The following CBX5 variants were observed in gnomAD, a reference collection of about 807,000 sequenced individuals.
CBX5 encodes chromobox 5, also known as chromobox protein homolog 5.
In CBX5, 7 loss-of-function variants were observed where a neutral mutation model predicts 20.7. The ratio of observed to expected loss-of-function variants is 0.34; its 90% CI spans 0.19 to 0.63. CBX5 has a LOEUF of 0.63. Ranked by LOEUF, CBX5 falls within the 30% of genes least tolerant of loss-of-function variation. CBX5 has a pLI of 0.75. For synonymous variants in CBX5, 78 were observed against 77.0 expected, an observed-to-expected ratio of 1.01 and a Z score of -0.07; for missense variants, 110 against 224.1, an observed-to-expected ratio of 0.49 and a Z score of 3.25.
Position 54,257,686 on chromosome 12 carries a change from C to A in CBX5, c.-36G>T. 6.2e-7 allele frequency: 1 copy of A among 1,613,224 alleles called. No individual in the cohort carries two copies. Among genetic ancestry groups the A allele is most frequent in the Non-Finnish European group, 8.5e-7 (1 of 1,179,548 alleles). On this transcript the variant is annotated 5_prime_UTR_variant, in exon 2 of 5. Transcript: ENST00000209875. ...GTTCCACCTGAAAGACTAAGGCCACCAGGTCCCTGCAAAGGCAAAGGACAA... is the reference window on the plus strand; with the variant it reads ...GTTCCACCTGAAAGACTAAGGCCACAAGGTCCCTGCAAAGGCAAAGGACAA...
chr12:54,232,971 T>G lies in CBX5; in HGVS notation c.*8784A>C, dbSNP rs1169262700. 6.7e-6 allele frequency: 1 copy of G among 149,176 alleles called. No homozygotes were observed. Among genetic ancestry groups the G allele is most frequent in the Non-Finnish European group, 1.5e-5 (1 of 67,478 alleles). 9.2% of individuals were successfully genotyped at this position (149,176 alleles called of 1,614,324 possible). On this transcript the variant is annotated 3_prime_UTR_variant, in exon 5 of 5. Transcript: ENST00000209875. ...TGAATAAGAACCTTTTCCCCAGTGGTGGTTCTTGGTAGCGCTCTTATAAAG... is the reference window on the plus strand; with the variant it reads ...TGAATAAGAACCTTTTCCCCAGTGGGGGTTCTTGGTAGCGCTCTTATAAAG...
intron 1 of CBX5, among the ~76,000 whole-genome samples, chr12:54,279,307 A>C (rs982625454): frequency 3.3e-5 from 5 of 152,146 alleles, no homozygotes; most frequent in Non-Finnish European, 5.9e-5. Flanking sequence ...AACAAACAAA[A>C]AAAAACAACT....
chr12:54,268,005 G>A (rs1216072786), intron 1 of CBX5, among the ~76,000 whole-genome samples: 5 of 152,130 alleles, frequency 3.3e-5, no homozygotes, highest in South Asian at 2.1e-4. Flanking sequence ...TTAGTCAGGC[G>A]TGGTGGTGGG....
At chr12:54,249,572 G>A (rs1048382457) in intron 3 of CBX5, among the ~76,000 whole-genome samples, 5 of 151,882 alleles carry the variant, frequency 3.3e-5, no homozygotes, top group Admixed American at 6.6e-5. Flanking sequence ...GGAAGATTCC[G>A]AAGTAGACTT....
At chr12:54,254,790 T>C (rs1943847303) in intron 2 of CBX5, among the ~76,000 whole-genome samples, 3 of 151,120 alleles carry the variant, frequency 2.0e-5, no homozygotes, top group Admixed American at 6.6e-5. Flanking sequence ...GAGAAGGAGG[T>C]TGCAGTGAGC....
intron 2 of CBX5, among the ~76,000 whole-genome samples, chr12:54,254,498 T>C (rs1407086059): frequency 1.3e-5 from 2 of 151,988 alleles, no homozygotes; most frequent in Non-Finnish European, 2.9e-5. Context: ...CAAAATTTAT[T>C]TCTAAATCAT....
intron 1 of CBX5, chr12:54,278,680 C>T (rs1944094790): frequency 6.6e-6 from 1 of 152,116 alleles, no homozygotes; most frequent in Non-Finnish European, 1.5e-5. Flanking sequence ...TGGGCATTAC[C>T]AAAAGGAGAT....
intron 1 of CBX5, among the ~76,000 whole-genome samples, chr12:54,260,634 G>T (rs1255977984): frequency 1.3e-5 from 2 of 151,602 alleles, no homozygotes; most frequent in East Asian, 3.9e-4. Flanking sequence ...TTATAAAACA[G>T]ATTTTTAAAT....
intron 1 of CBX5, among the ~76,000 whole-genome samples, chr12:54,274,677 T>C (rs907759582): frequency 6.6e-6 from 1 of 152,200 alleles, no homozygotes; most frequent in African/African-American, 2.4e-5. Flanking sequence ...CAGTGGCTCA[T>C]GCCTGTAATT....
intron 1 of CBX5, among the ~76,000 whole-genome samples, chr12:54,266,040 C>G (rs1461790702): frequency 7.2e-6 from 1 of 138,882 alleles, no homozygotes; most frequent in Non-Finnish European, 1.6e-5. Context: ...GAGGCAGACT[C>G]TGTCTTAAAA....
intron 4 of CBX5, among the ~76,000 whole-genome samples, chr12:54,244,158 A>G (rs1943708649): frequency 6.7e-6 from 1 of 150,156 alleles, no homozygotes; most frequent in Non-Finnish European, 1.5e-5. Flanking sequence ...CCTGCCACCA[A>G]GCCTGGCTAT....
At chr12:54,252,997 A>C (rs1430608777) in intron 2 of CBX5, among the ~76,000 whole-genome samples, 1 of 151,822 alleles carries the variant, frequency 6.6e-6, no homozygotes. Flanking sequence ...AAAAAAAAAA[A>C]AAAAGCAGAT....
In CBX5 at chr12:54,234,394, A is replaced by T. The variant is rs1003297011; in HGVS notation, c.*7361T>A. On this transcript the variant is annotated 3_prime_UTR_variant, in exon 5 of 5. Coordinates refer to ENST00000209875, the MANE Select transcript of CBX5 (RefSeq NM_012117.3). Reference sequence around the variant, plus strand: ...TCCTAAAAATAAAAAGAAATCCCTTAAAAAAGGCTGACAAACTGACCACTT... The same window carrying T: ...TCCTAAAAATAAAAAGAAATCCCTTTAAAAAGGCTGACAAACTGACCACTT... 2.0e-5 allele frequency: 3 copies of T among 151,932 alleles called. No individual in the cohort carries two copies. Among genetic ancestry groups the T allele is most frequent in the African/African-American group, 7.3e-5 (3 of 41,206 alleles). The allele number at this position is 151,932 out of a possible 1,614,324, so 9.4% of individuals were successfully genotyped here.
chr12:54,238,227 A>G lies in CBX5; in HGVS notation c.*3528T>C, dbSNP rs1224767006. 1 of 152,190 alleles carries G rather than the reference A, an allele frequency of 6.6e-6. No homozygotes were observed. Among genetic ancestry groups the G allele is most frequent in the Non-Finnish European group, 1.5e-5 (1 of 68,042 alleles). The allele number at this position is 152,190 out of a possible 1,614,324, so 9.4% of individuals were successfully genotyped here. A position where few individuals can be genotyped will look rare whatever the true frequency, so the allele number is the denominator to read the frequency against. On this transcript the variant is annotated 3_prime_UTR_variant, in exon 5 of 5. Transcript: ENST00000209875. ...AATAATAGAGGTGAATGTCTGCATTAGGATCAAGACAAGAAGAAGACAGAC... is the reference window on the plus strand; with the variant it reads ...AATAATAGAGGTGAATGTCTGCATTGGGATCAAGACAAGAAGAAGACAGAC...
rs1943618240 is a variant in CBX5 at position 54,236,058 on chromosome 12, T to C, written c.*5697A>G. Reference sequence around the variant, plus strand: ...TATATTTATTTCCTGGAATATGTTCTTGTGTTCTATGGCCAGCTGGCTCAG... The same window carrying C: ...TATATTTATTTCCTGGAATATGTTCCTGTGTTCTATGGCCAGCTGGCTCAG... On this transcript the variant is annotated 3_prime_UTR_variant, in exon 5 of 5. Coordinates refer to ENST00000209875, the MANE Select transcript of CBX5 (RefSeq NM_012117.3). The C allele has an allele frequency of 6.6e-6, 1 of 152,238 alleles. No homozygotes were observed. Among genetic ancestry groups the C allele is most frequent in the Non-Finnish European group, 1.5e-5 (1 of 68,044 alleles). 9.4% of individuals were successfully genotyped at this position (152,238 alleles called of 1,614,324 possible). A position where few individuals can be genotyped will look rare whatever the true frequency, so the allele number is the denominator to read the frequency against.
At chr12:54,249,375 GAA>G in intron 3 of CBX5, among the ~76,000 whole-genome samples, 1 of 132,336 alleles carries the variant, frequency 7.6e-6, no homozygotes, top group South Asian at 2.4e-4. Context: ...AAAAAAAAAA[GAA>G]AAAAAAAAAA....
At chr12:54,246,971 TCTCA>T (rs1943743946) in intron 3 of CBX5, among the ~76,000 whole-genome samples, 2 of 152,262 alleles carry the variant, frequency 1.3e-5, no homozygotes, top group African/African-American at 2.4e-5. Context: ...ACTACCTCTC[TCTCA>T]ATCTTTATTT....
Position 54,257,490 on chromosome 12 carries a change from G to A in CBX5, c.137+24C>T, listed in dbSNP as rs771878621. The A allele has an allele frequency of 5.0e-6, 8 of 1,613,422 alleles. No homozygotes were observed. Among genetic ancestry groups the A allele is most frequent in the African/African-American group, 2.7e-5 (2 of 74,834 alleles). Reference sequence around the variant, plus strand: ...GTATCTATCTCTACAGAGTCCCAACGCCTGGGGGAAAAAAGGAACTTACTC... The same window carrying A: ...GTATCTATCTCTACAGAGTCCCAACACCTGGGGGAAAAAAGGAACTTACTC... On this transcript the variant is annotated intron_variant, in intron 2 of 4. Coordinates refer to ENST00000209875, the MANE Select transcript of CBX5 (RefSeq NM_012117.3).
chr12:54,258,547 A>T (rs1018523754), intron 1 of CBX5: 6 of 152,242 alleles, frequency 3.9e-5, no homozygotes, highest in African/African-American at 1.4e-4. Context: ...AGCCTCCTCA[A>T]AATACAGAGG....
Sources: gnomAD v4.1 joint callset for allele counts (sites outside exome capture counted in the v4.1 genomes callset) on GRCh38, gnomAD v4.1.1 for gene constraint, MANE v1.5 for transcripts, NCBI Gene and HGNC (gene_info 2026-07-23, HGNC 2026-07-21) for gene names.